ACAP1: variants seen among roughly 807,000 people sequenced by gnomAD.
The protein encoded by ACAP1 is arf-GAP with coiled-coil, ANK repeat and PH domain-containing protein 1.
ACAP1 carries 45 observed loss-of-function variants against 98.8 expected under a neutral mutation model. That is an observed-to-expected ratio of 0.46 (90% CI 0.36 to 0.58). The LOEUF (loss-of-function observed/expected upper bound fraction) is 0.58, where lower values mean the gene tolerates loss of function less well. Among genes scored for constraint, ACAP1 ranks in the 20% least tolerant of loss-of-function variants. ACAP1 has a pLI of 0.00. For synonymous variants in ACAP1, 362 were observed against 375.3 expected, an observed-to-expected ratio of 0.96 and a Z score of 0.41; for missense variants, 735 against 971.4, an observed-to-expected ratio of 0.76 and a Z score of 3.24.
intron 21 of ACAP1, 62 bp from the exon 22 acceptor site, chr17:7,351,233 G>A: frequency 2.1e-6 from 3 of 1,416,958 alleles, no homozygotes; most frequent in Non-Finnish European, 2.9e-6. Flanking sequence ...GGCCCCAACC[G>A]CCGGATCCTG....
intron 11 of ACAP1, 34 bp downstream of exon 11, chr17:7,346,329 C>G: frequency 6.2e-7 from 1 of 1,614,058 alleles, no homozygotes; most frequent in Non-Finnish European, 8.5e-7. Context: ...GCCTGGGCCC[C>G]AGGGAGACTC....
At chr17:7,347,622 T>C (rs2073359740) in intron 14 of ACAP1, 2 of 544,566 alleles carry the variant, frequency 3.7e-6, no homozygotes, top group African/African-American at 3.8e-5. Context: ...GGAGGTGACA[T>C]GGGAGAGGTT....
Position 7,342,483 on chromosome 17 carries a change from G to C in ACAP1, c.344+9G>C. The C allele has an allele frequency of 1.2e-6, 2 of 1,614,046 alleles. No homozygotes were observed. The highest frequency in any genetic ancestry group is 8.5e-7 in the Non-Finnish European group (1 of 1,179,958). ...CAGACCCTGGTCAAGGAGTGAGATG[G>C]GGCCGGGCGCAGTGGCTCATGCCTG... On this transcript the variant is annotated intron_variant, in intron 5 of 21. Transcript: ENST00000158762.
chr17:7,340,308 A>C (rs2073263650), intron 2 of ACAP1, among the ~76,000 whole-genome samples: 1 of 152,180 alleles, frequency 6.6e-6, no homozygotes, highest in Non-Finnish European at 1.5e-5. Flanking sequence ...ATGCTCTTGA[A>C]GTTTATCCAA....
chr17:7,351,379 AC>A lies in ACAP1; in HGVS notation c.2209del (p.Leu737SerfsTer25). ...DPEKLSRRSH[D>X]LHTL ...GAGAAGCTGAGCCGTCGCAGTCATG[AC>A]CTCCACACGCTGTGACCCGAGGCCC... is the stretch of plus-strand genomic sequence containing the variant. On this transcript the variant is annotated frameshift_variant, in exon 22 of 22. Coordinates refer to ENST00000158762, the MANE Select transcript of ACAP1 (RefSeq NM_014716.4). LOFTEE classifies it high-confidence loss of function. 3.7e-6 allele frequency: 6 copies of A among 1,611,816 alleles called. No homozygotes were observed. The highest frequency in any genetic ancestry group is 4.2e-6 in the Non-Finnish European group (5 of 1,179,182).
At chr17:7,351,254 C>T (rs966909899) in intron 21 of ACAP1, 41 bp from the exon 22 acceptor site, 3 of 1,542,850 alleles carry the variant, frequency 1.9e-6, no homozygotes, top group Non-Finnish European at 2.7e-6. Context: ...CCCTTCTGCA[C>T]TGGGGCCCAG....
Position 7,342,036 on chromosome 17 carries a change from C to T in ACAP1, c.200C>T (p.Ala67Val), listed in dbSNP as rs749506204. 22 of 1,614,008 alleles carry T rather than the reference C, an allele frequency of 1.4e-5. No individual in the cohort carries two copies. In the Middle Eastern group the frequency reaches 1.2e-3, roughly 84 times the overall value. Residue 67 changes from alanine (A) to valine (V), a missense_variant, in exon 3 of 22, where the codon GCC (alanine) becomes GTC (valine). Physicochemically the swap from Ala to Val is moderately conservative, Grantham distance 64. This residue lies in a region of ACAP1 where 430 missense variants were observed against 531.8 expected (regional missense o/e 0.81). Coordinates refer to ENST00000158762, the MANE Select transcript of ACAP1 (RefSeq NM_014716.4). Reference sequence around the variant, plus strand: ...TTCGTTGTCGGCATTTGTGACCTGGCCCGCCTGGGTCCACCAGAGCCCATG... The same window carrying T: ...TTCGTTGTCGGCATTTGTGACCTGGTCCGCCTGGGTCCACCAGAGCCCATG... ...RAFVVGICDL[A>V]RLGPPEPMMA...
At chr17:7,342,698 G>A (rs1186672599) in intron 5 of ACAP1, 18 of 587,382 alleles carry the variant, frequency 3.1e-5, no homozygotes, top group South Asian at 1.2e-4. Flanking sequence ...TCGGGAGTTC[G>A]AGACCAGCCT....
In ACAP1 at chr17:7,343,989, G is replaced by T. The variant is rs1281606176; in HGVS notation, c.669+33G>T. 10 of 1,574,942 alleles carry T rather than the reference G, an allele frequency of 6.3e-6. No individual in the cohort carries two copies. In the Middle Eastern group the frequency reaches 6.6e-4, roughly 105 times the overall value. On this transcript the variant is annotated intron_variant, in intron 8 of 21. Coordinates refer to ENST00000158762, the MANE Select transcript of ACAP1 (RefSeq NM_014716.4). The surrounding 1 kb of genome is among the most constrained non-coding windows in gnomAD (Gnocchi z 4.9). ...CCCAGGGCACAGCAGGTGGTAGAGGGAGGTTAGGGACTCCTAACTGGGGGG... is the reference window on the plus strand; with the variant it reads ...CCCAGGGCACAGCAGGTGGTAGAGGTAGGTTAGGGACTCCTAACTGGGGGG...
chr17:7,348,582 T>G, intron 17 of ACAP1, 107 bp downstream of exon 17: 1 of 1,264,780 alleles, frequency 7.9e-7, no homozygotes, highest in Non-Finnish European at 1.1e-6. Flanking sequence ...CGCTGGACAA[T>G]GTCGGAGGGA....
intron 14 of ACAP1, chr17:7,347,627 G>A (rs570978647): frequency 1.4e-4 from 75 of 553,508 alleles, no homozygotes; most frequent in African/African-American, 1.3e-3. Context: ...TGACATGGGA[G>A]AGGTTGTCCA....
intron 12 of ACAP1, 39 bp from the exon 13 acceptor site, chr17:7,346,769 C>T (rs990421517): frequency 6.3e-7 from 1 of 1,592,044 alleles, no homozygotes; most frequent in Non-Finnish European, 8.6e-7. Context: ...CTTCCCAGGC[C>T]TCAGACCCCT....
chr17:7,347,156 G>A lies in ACAP1; in HGVS notation c.1257G>A (p.Gln419=). The A allele has an allele frequency of 6.2e-7, 1 of 1,614,124 alleles. No homozygotes were observed. The highest frequency in any genetic ancestry group is 8.5e-7 in the Non-Finnish European group (1 of 1,180,002). The change falls in exon 14 of 22, where the codon CAG becomes CAA. Residue 419 remains glutamine, a synonymous_variant. Transcript: ENST00000158762. The stretch of plus-strand genomic sequence containing the variant: ...TCCAGAGTGTGGATGGCAATGCCCA[G>A]TGCTGCGACTGCCGGGAGCCAGCCC... The part of the protein sequence containing the change: ...AQVQSVDGNA[Q]CCDCREPAPE...
Position 7,343,886 on chromosome 17 carries a change from C to A in ACAP1, c.599C>A (p.Ala200Asp). The A allele has an allele frequency of 6.2e-7, 1 of 1,613,228 alleles. No individual in the cohort carries two copies. Among genetic ancestry groups the A allele is most frequent in the Non-Finnish European group, 8.5e-7 (1 of 1,179,592 alleles). ...EFVLRLVEAQ[A>D]THFQQGHEEL... ...GTGCTGCGTTTGGTGGAGGCCCAGGCTACCCATTTCCAGCAGGGCCATGAG... is the reference window on the plus strand; with the variant it reads ...GTGCTGCGTTTGGTGGAGGCCCAGGATACCCATTTCCAGCAGGGCCATGAG... Residue 200 changes from alanine (A) to aspartate (D), a missense_variant, in exon 8 of 22, where the codon GCT (alanine) becomes GAT (aspartate). Coordinates refer to ENST00000158762, the MANE Select transcript of ACAP1 (RefSeq NM_014716.4). The surrounding 1 kb of genome is among the most constrained non-coding windows in gnomAD (Gnocchi z 4.9).
At position 7,343,705 on chromosome 17, in the gene ACAP1, G is replaced by T. The variant is rs982414506; in HGVS notation, c.529-1G>T. 6.2e-6 allele frequency: 10 copies of T among 1,613,876 alleles called. No individual in the cohort carries two copies. The highest frequency in any genetic ancestry group is 8.5e-6 in the Non-Finnish European group (10 of 1,179,932). On this transcript the variant is annotated splice_acceptor_variant, in intron 6 of 21. Coordinates refer to ENST00000158762, the MANE Select transcript of ACAP1 (RefSeq NM_014716.4). LOFTEE classifies it high-confidence loss of function. This position sits in a 1 kb window ranked among gnomAD's most constrained non-coding sequence, Gnocchi z 4.9. ...TTTTACGTCCTCTTTTACGTCCTCA[G>T]ATCAACGTGATTGAGGACAAGAGGA...
rs757845371 is a variant in ACAP1, at chr17:7,350,281, C to T, written c.2072+44C>T. 2 of 1,502,214 alleles carry T rather than the reference C, an allele frequency of 1.3e-6. No individual in the cohort carries two copies. Among genetic ancestry groups the T allele is most frequent in the Non-Finnish European group, 1.8e-6 (2 of 1,087,328 alleles). 93.1% of individuals were successfully genotyped at this position (1,502,214 alleles called of 1,614,324 possible). A position where few individuals can be genotyped will look rare whatever the true frequency, so the allele number is the denominator to read the frequency against. On this transcript the variant is annotated intron_variant, in intron 20 of 21. Coordinates refer to ENST00000158762, the MANE Select transcript of ACAP1 (RefSeq NM_014716.4). The surrounding 1 kb of genome is among the most constrained non-coding windows in gnomAD (Gnocchi z 4.6). Reference sequence around the variant, plus strand: ...GCGGGGCTGGCGCTGGGACTCCCCCCACCCCCGCCCACCCACGTTCGGGCG... The same window carrying T: ...GCGGGGCTGGCGCTGGGACTCCCCCTACCCCCGCCCACCCACGTTCGGGCG...
At position 7,343,909 on chromosome 17, in the gene ACAP1, G is replaced by T; in HGVS notation, c.622G>T (p.Glu208Ter). 6.2e-7 allele frequency: 1 copy of T among 1,610,828 alleles called. No homozygotes were observed. Among genetic ancestry groups the T allele is most frequent in the Non-Finnish European group, 8.5e-7 (1 of 1,178,416 alleles). The part of the protein sequence containing the change: ...AQATHFQQGH[E>*]ELSRLSQYRK... ...GGCTACCCATTTCCAGCAGGGCCAT[G>T]AGGAGCTGAGCCGGCTGTCCCAGTA... is the stretch of plus-strand genomic sequence containing the variant. Residue 208 changes from glutamate (E) to a stop codon, truncating the protein, a stop_gained, in exon 8 of 22, where the codon GAG becomes TAG. Transcript: ENST00000158762. LOFTEE classifies it high-confidence loss of function. The surrounding 1 kb of genome is among the most constrained non-coding windows in gnomAD (Gnocchi z 4.9).
intron 21 of ACAP1, 112 bp from the exon 22 acceptor site, chr17:7,351,183 C>A: frequency 4.5e-6 from 5 of 1,120,402 alleles, no homozygotes; most frequent in Non-Finnish European, 6.5e-6. Context: ...CCGCGGCGCG[C>A]ACGTTCCCAC....
intron 18 of ACAP1, 166 bp downstream of exon 18, chr17:7,349,333 G>A: frequency 1.4e-6 from 1 of 729,202 alleles, no homozygotes; most frequent in Non-Finnish European, 2.1e-6. Context: ...TGATTTGGAG[G>A]CAGAGAACCT....
Sources: gnomAD v4.1 joint callset for allele counts (sites outside exome capture counted in the v4.1 genomes callset) on GRCh38, gnomAD v4.1.1 for gene constraint, gnomAD v4.1.1 regional missense constraint, Gnocchi (gnomAD v3.1) non-coding constraint, MANE v1.5 for transcripts, NCBI Gene and HGNC (gene_info 2026-07-23, HGNC 2026-07-21) for gene names.